TBC1D22A: variants seen among roughly 807,000 people sequenced by gnomAD.
The protein encoded by TBC1D22A is putative GTPase activator.
A neutral mutation model predicts 60.2 loss-of-function variants in TBC1D22A; 38 were observed. The observed-to-expected ratio is 0.63, with a 90% CI of 0.49 to 0.83. The LOEUF (loss-of-function observed/expected upper bound fraction) is 0.83, where lower values mean the gene tolerates loss of function less well. TBC1D22A is among the 40% of genes least tolerant of loss of function. The pLI is 0.00. For missense variants in TBC1D22A, 628 were observed against 701.0 expected (o/e 0.90, Z 1.18); for synonymous variants, 302 against 281.7 (o/e 1.07, Z -0.72).
At chr22:47,015,843 C>T (rs2061894022) in intron 10 of TBC1D22A, among the ~76,000 whole-genome samples, 1 of 152,198 alleles carries the variant, frequency 6.6e-6, no homozygotes, top group Admixed American at 6.5e-5. Flanking sequence ...CCCTATGTAG[C>T]CTGGAGCCAG....
chr22:46,909,829 C>T (rs1028823612), intron 7 of TBC1D22A, among the ~76,000 whole-genome samples: 3 of 152,170 alleles, frequency 2.0e-5, no homozygotes, highest in South Asian at 4.1e-4. Flanking sequence ...AGTCACACGC[C>T]GTCCCCTGGG....
chr22:46,914,441 A>G (rs536843652), intron 8 of TBC1D22A: 6 of 152,158 alleles, frequency 3.9e-5, no homozygotes, highest in Admixed American at 3.3e-4. Context: ...TCTCAAAAAA[A>G]AAAAAAAAAA....
At chr22:47,080,503 T>G (rs1264494195) in intron 11 of TBC1D22A, among the ~76,000 whole-genome samples, 1 of 152,118 alleles carries the variant, frequency 6.6e-6, no homozygotes, top group African/African-American at 2.4e-5. Flanking sequence ...TAATCCGCGA[T>G]TCAAAGAAGT....
chr22:47,122,477 T>C (rs1191076479), intron 12 of TBC1D22A, among the ~76,000 whole-genome samples: 1 of 152,192 alleles, frequency 6.6e-6, no homozygotes, highest in Non-Finnish European at 1.5e-5. Flanking sequence ...CCGTGACCTT[T>C]GAGCCCCTCC....
chr22:47,079,695 C>T (rs1020888205), intron 11 of TBC1D22A, among the ~76,000 whole-genome samples: 53 of 151,880 alleles, frequency 3.5e-4, no homozygotes, highest in African/African-American at 1.0e-3. Context: ...TTGATTGATC[C>T]GAAAGAGTCT....
chr22:46,979,376 A>C (rs1188596290), intron 9 of TBC1D22A, among the ~76,000 whole-genome samples: 1 of 152,202 alleles, frequency 6.6e-6, no homozygotes, highest in Non-Finnish European at 1.5e-5. Flanking sequence ...CATTTTTGAG[A>C]AAATATCTTC....
At chr22:46,976,532 G>A (rs1004390560) in intron 9 of TBC1D22A, among the ~76,000 whole-genome samples, 2 of 152,310 alleles carry the variant, frequency 1.3e-5, no homozygotes, top group Admixed American at 1.3e-4. Context: ...GAAGTATGAG[G>A]CTATGTACTC....
At chr22:47,129,901 GC>G (rs1468384053) in intron 12 of TBC1D22A, among the ~76,000 whole-genome samples, 1 of 152,204 alleles carries the variant, frequency 6.6e-6, no homozygotes. Flanking sequence ...CTCTCTCAAT[GC>G]TGTTCTTAAT....
At chr22:46,913,276 C>G in intron 8 of TBC1D22A, 2 of 1,292,168 alleles carry the variant, frequency 1.5e-6, no homozygotes, top group Non-Finnish European at 2.1e-6. Flanking sequence ...CTGGTTTTGT[C>G]TTCCTGCAAG....
chr22:46,830,409 C>T (rs2086260309), intron 4 of TBC1D22A, among the ~76,000 whole-genome samples: 1 of 152,228 alleles, frequency 6.6e-6, no homozygotes, highest in African/African-American at 2.4e-5. Flanking sequence ...TCTCCCAGGG[C>T]TAGAAATCGC....
intron 10 of TBC1D22A, among the ~76,000 whole-genome samples, chr22:47,004,117 A>T (rs1380366253): frequency 6.7e-6 from 1 of 148,830 alleles, no homozygotes; most frequent in Non-Finnish European, 1.5e-5. Flanking sequence ...CCCTTCACAG[A>T]TGCCTATACA....
chr22:46,786,743 C>G (rs1307085922), intron 1 of TBC1D22A, among the ~76,000 whole-genome samples: 1 of 152,088 alleles, frequency 6.6e-6, no homozygotes, highest in Non-Finnish European at 1.5e-5. Context: ...CACTTAAGCG[C>G]AGTAGTGCCG....
chr22:47,149,132 C>T (rs2067399218), intron 12 of TBC1D22A, among the ~76,000 whole-genome samples: 1 of 152,094 alleles, frequency 6.6e-6, no homozygotes, highest in African/African-American at 2.4e-5. Context: ...TGGTCCAGTC[C>T]CCTGGGGCTG....
intron 2 of TBC1D22A, among the ~76,000 whole-genome samples, chr22:46,793,284 T>A (rs1244504841): frequency 6.6e-6 from 1 of 152,184 alleles, no homozygotes; most frequent in Non-Finnish European, 1.5e-5. Context: ...CAGGTGACCT[T>A]CCTGGAGCCC....
intron 12 of TBC1D22A, among the ~76,000 whole-genome samples, chr22:47,154,442 G>A (rs901563338): frequency 1.3e-5 from 2 of 151,998 alleles, no homozygotes; most frequent in Non-Finnish European, 2.9e-5. Context: ...ATGCCCCCCC[G>A]CTTGAAATTA....
rs536324275 is a variant in TBC1D22A, at chr22:46,944,621, A to G, written c.1016-29669A>G. Among the ~76,000 whole-genome samples, 8 of 152,272 alleles carry G rather than the reference A, an allele frequency of 5.3e-5. No individual in the cohort carries two copies. In the East Asian group the frequency reaches 1.5e-3, roughly 29 times the overall value. On this transcript the variant is annotated intron_variant, in intron 8 of 12. Transcript: ENST00000337137. ...CACCGTGTTAGCCAGGATGGTCTTG[A>G]TCTCATGACCTTGTAATCTGCCCAC...
chr22:46,803,245 G>C (rs983594832), intron 4 of TBC1D22A, among the ~76,000 whole-genome samples: 4 of 152,170 alleles, frequency 2.6e-5, no homozygotes, highest in Non-Finnish European at 5.9e-5. Context: ...CTCGAGACAA[G>C]GTTAAACAGG....
intron 4 of TBC1D22A, among the ~76,000 whole-genome samples, chr22:46,846,845 G>A (rs1317305971): frequency 6.6e-6 from 1 of 152,016 alleles, no homozygotes; most frequent in Non-Finnish European, 1.5e-5. Flanking sequence ...TCCTTTGCTG[G>A]AGTATTTCAA....
intron 4 of TBC1D22A, among the ~76,000 whole-genome samples, chr22:46,828,301 A>G (rs1163292622): frequency 1.3e-5 from 2 of 152,282 alleles, no homozygotes; most frequent in African/African-American, 4.8e-5. Context: ...TTCTGCAGGA[A>G]GAAAGACAAA....
Sources: allele counts gnomAD v4.1 joint callset (sites outside exome capture counted in the v4.1 genomes callset), GRCh38; gene constraint gnomAD v4.1.1; transcripts MANE v1.5; gene names NCBI Gene and HGNC (gene_info 2026-07-23, HGNC 2026-07-21).